The following SH3YL1 variants were observed in gnomAD, a reference collection of about 807,000 sequenced individuals.
SH3YL1 encodes the protein SH3 and SYLF domain containing 1, also known as SH3 domain-containing YSC84-like protein 1.
Under a neutral mutation model 45.8 loss-of-function variants are expected in SH3YL1, and 41 were observed. The ratio of observed to expected loss-of-function variants is 0.89; its 90% CI spans 0.70 to 1.16. SH3YL1 has a LOEUF of 1.16. SH3YL1 is among the 50% of genes most tolerant of loss of function. The pLI is 0.00. For synonymous variants in SH3YL1, 152 were observed against 151.4 expected, an observed-to-expected ratio of 1.00 and a Z score of -0.03; for missense variants, 389 against 409.6, an observed-to-expected ratio of 0.95 and a Z score of 0.43.
intron 2 of SH3YL1, among the ~76,000 whole-genome samples, chr2:250,423 TTAACTA>T (rs936296638): frequency 1.3e-5 from 2 of 152,242 alleles, no homozygotes; most frequent in African/African-American, 4.8e-5. Context: ...TGAGTACCAC[TTAACTA>T]TTAGTACACT....
intron 1 of SH3YL1, among the ~76,000 whole-genome samples, chr2:254,233 G>A (rs577257824): frequency 6.6e-5 from 10 of 152,244 alleles, no homozygotes; most frequent in East Asian, 5.8e-4. Context: ...AAGTAACGCC[G>A]GCCTGCATTT....
upstream of SH3YL1, chr2:264,806 G>T (rs539121873): frequency 1.3e-5 from 10 of 780,464 alleles, no homozygotes; most frequent in East Asian, 2.7e-4. Flanking sequence ...CTCCGCAGGC[G>T]CACTGGAGCC....
intron 8 of SH3YL1, among the ~76,000 whole-genome samples, chr2:229,452 G>A (rs865847926): frequency 2.4e-4 from 37 of 152,206 alleles, no homozygotes; most frequent in African/African-American, 6.5e-4. Flanking sequence ...CTTATGGGCC[G>A]GGCACGGTGG....
At chr2:250,568 A>G (rs1252519216) in intron 2 of SH3YL1, among the ~76,000 whole-genome samples, 1 of 152,228 alleles carries the variant, frequency 6.6e-6, no homozygotes, top group Non-Finnish European at 1.5e-5. Context: ...TTTACGACAC[A>G]ATAACACCTC....
intron 4 of SH3YL1, among the ~76,000 whole-genome samples, chr2:246,260 T>C (rs754772633): frequency 3.3e-5 from 5 of 152,102 alleles, no homozygotes; most frequent in Non-Finnish European, 5.9e-5. Context: ...TTAAAGTCTT[T>C]CTATTTCATT....
intron 8 of SH3YL1, among the ~76,000 whole-genome samples, chr2:226,587 G>A (rs1463863195): frequency 6.6e-6 from 1 of 152,142 alleles, no homozygotes; most frequent in Non-Finnish European, 1.5e-5. Context: ...TGTAATAGTT[G>A]AAAATGCACT....
At chr2:249,699 C>G (rs1668988927) in intron 3 of SH3YL1, 32 bp downstream of exon 3, 5 of 1,422,358 alleles carry the variant, frequency 3.5e-6, no homozygotes, top group Non-Finnish European at 4.9e-6. Context: ...AGAATGAAGA[C>G]TCTCTACTCC....
chr2:260,453 T>C (rs1354778316), intron 1 of SH3YL1: 1 of 152,212 alleles, frequency 6.6e-6, no homozygotes, highest in Non-Finnish European at 1.5e-5. Context: ...CAGGGCTTTA[T>C]AACCAAAGCT....
chr2:242,107 A>G (rs1344456442), intron 4 of SH3YL1: 1 of 152,082 alleles, frequency 6.6e-6, no homozygotes, highest in East Asian at 1.9e-4. Flanking sequence ...TATACTAGAC[A>G]ATAACCGTAC....
At position 224,905 on chromosome 2, in the gene SH3YL1, T is replaced by C. The variant is rs1667729196; in HGVS notation, c.797A>G (p.Tyr266Cys). ...GCTGGAAAGTCCAGGATAGAGCTTA[T>C]ATTCATTTCTGTTACCTGCCAAAAA... ...NSGSQSNRNE[Y>C]KLYPGLSSYH... is the part of the protein sequence containing the mutation. Residue 266 changes from tyrosine to cysteine, a missense_variant, in exon 9 of 10, where the codon TAT (tyrosine) becomes TGT (cysteine). Physicochemically the swap from Tyr to Cys is radical, Grantham distance 194. Coordinates refer to ENST00000356150, the MANE Select transcript of SH3YL1 (RefSeq NM_015677.4). 12 of 1,611,446 alleles carry C rather than the reference T, an allele frequency of 7.4e-6. No homozygotes were observed. Among genetic ancestry groups the C allele is most frequent in the Non-Finnish European group, 8.5e-6 (10 of 1,177,550 alleles).
intron 1 of SH3YL1, among the ~76,000 whole-genome samples, chr2:261,761 G>C (rs895038120): frequency 6.6e-6 from 1 of 152,150 alleles, no homozygotes; most frequent in African/African-American, 2.4e-5. Flanking sequence ...GGTCAGGAAT[G>C]AAAGCAAGAA....
At chr2:249,896 G>A (rs1669005007) in intron 2 of SH3YL1, 52 bp from the exon 3 acceptor site, 2 of 1,241,494 alleles carry the variant, frequency 1.6e-6, no homozygotes, top group South Asian at 2.6e-5. Flanking sequence ...TATGTGCCTG[G>A]ATAGACGAGC....
intron 4 of SH3YL1, chr2:240,042 A>G (rs955232584): frequency 9.9e-5 from 15 of 152,200 alleles, no homozygotes; most frequent in African/African-American, 3.4e-4. Context: ...TTCTGCCAGC[A>G]TTTCTCTTCC....
chr2:242,817 G>A (rs773247783), intron 4 of SH3YL1: 18 of 1,534,134 alleles, frequency 1.2e-5, no homozygotes, highest in Non-Finnish European at 1.5e-5. Flanking sequence ...GACAGTAAAA[G>A]GATGGAGAAA....
chr2:225,056 T>C, intron 8 of SH3YL1, 136 bp from the exon 9 acceptor site: 1 of 709,840 alleles, frequency 1.4e-6, no homozygotes, highest in Admixed American at 2.2e-5. Context: ...CATCATTTGA[T>C]TGCGCTTTAA....
intron 8 of SH3YL1, among the ~76,000 whole-genome samples, chr2:226,539 T>C (rs1332313059): frequency 6.6e-6 from 1 of 152,120 alleles, no homozygotes; most frequent in Non-Finnish European, 1.5e-5. Context: ...GCACTAATAG[T>C]GGTGGGGAAG....
At chr2:223,004 G>A (rs1667639802) in intron 9 of SH3YL1, 1 of 152,168 alleles carries the variant, frequency 6.6e-6, no homozygotes, top group South Asian at 2.1e-4. Context: ...TTTAAAAAGT[G>A]GACTGTAAAT....
chr2:264,486 C>A, upstream of SH3YL1: 1 of 181,232 alleles, frequency 5.5e-6, no homozygotes, highest in South Asian at 1.4e-4. Context: ...ACCCGCGGCC[C>A]TTCCTCCTCC....
chr2:264,510 C>T (rs1224194101), upstream of SH3YL1: 5 of 180,290 alleles, frequency 2.8e-5, no homozygotes, highest in Admixed American at 2.5e-4. Context: ...TACCCCTCTC[C>T]TGCGGCCCCG....
Sources: allele counts gnomAD v4.1 joint callset (sites outside exome capture counted in the v4.1 genomes callset), GRCh38; gene constraint gnomAD v4.1.1; transcripts MANE v1.5; gene names NCBI Gene and HGNC (gene_info 2026-07-23, HGNC 2026-07-21).